MCFD2: variants seen among roughly 807,000 people sequenced by gnomAD.
MCFD2 encodes multiple coagulation factor deficiency 2, ER cargo receptor complex subunit.
MCFD2 carries 11 observed loss-of-function variants against 12.8 expected under a neutral mutation model. That is an observed-to-expected ratio of 0.86 (90% CI 0.54 to 1.42). The LOEUF is 1.42. Among genes scored for constraint, MCFD2 ranks in the 40% most tolerant of loss-of-function variants. The pLI is 0.00. For synonymous variants in MCFD2, 70 were observed against 68.1 expected, an observed-to-expected ratio of 1.03 and a Z score of -0.14; for missense variants, 191 against 178.6, an observed-to-expected ratio of 1.07 and a Z score of -0.40.
At chr2:46,924,451 T>C (rs1669281673) in intron 1 of MCFD2, among the ~76,000 whole-genome samples, 1 of 152,084 alleles carries the variant, frequency 6.6e-6, no homozygotes, top group South Asian at 2.1e-4. Flanking sequence ...ATAATCATAT[T>C]TGTGAAGAAT....
rs1439130500 is a variant in MCFD2, at chr2:46,907,678, C to A, written c.309+132G>T. 7.0e-6 allele frequency: 7 copies of A among 997,072 alleles called. No homozygotes were observed. The highest frequency in any genetic ancestry group is 9.3e-6 in the Non-Finnish European group (6 of 645,560). The allele number at this position is 997,072 out of a possible 1,614,324, so 61.8% of individuals were successfully genotyped here. On this transcript the variant is annotated intron_variant, in intron 3 of 3. Transcript: ENST00000319466. This position sits in a 1 kb window ranked among gnomAD's most constrained non-coding sequence, Gnocchi z 4.1. ...TCCCAAAGTGCTGGGATTACAGATG[C>A]GAGCCATCATGCCCAGTGGAGAAGC...
In MCFD2 at chr2:46,907,494, C is replaced by A. The variant is rs1668294959; in HGVS notation, c.309+316G>T. The A allele has an allele frequency of 5.3e-6, 2 of 380,664 alleles. No individual in the cohort carries two copies. The highest frequency in any genetic ancestry group is 1.0e-5 in the Non-Finnish European group (2 of 198,352). 23.6% of individuals were successfully genotyped at this position (380,664 alleles called of 1,614,324 possible). ...CGACATCCTGGACTCAAGCAATCCT[C>A]CCACCTTAGCCTCCTGAGTACGTAG... On this transcript the variant is annotated intron_variant, in intron 3 of 3. Transcript: ENST00000319466. This position sits in a 1 kb window ranked among gnomAD's most constrained non-coding sequence, Gnocchi z 4.1.
At chr2:46,919,603 C>T (rs1668993856), upstream of MCFD2, among the ~76,000 whole-genome samples, 1 of 152,192 alleles carries the variant, frequency 6.6e-6, no homozygotes, top group South Asian at 2.1e-4. Context: ...AGAAGTCTAA[C>T]AAATGATTGA....
rs1022965604 is a variant in MCFD2, at chr2:46,904,829, G to C, written c.*634C>G. ...CTGTTAGGAAGGCATGATTGGTTTT[G>C]AATAGTGAGGACATGAGATTTGGAG... is the stretch of plus-strand genomic sequence containing the variant. On this transcript the variant is annotated 3_prime_UTR_variant, in exon 4 of 4. Coordinates refer to ENST00000319466, the MANE Select transcript of MCFD2 (RefSeq NM_139279.6). 10 of 161,448 alleles carry C rather than the reference G, an allele frequency of 6.2e-5. No individual in the cohort carries two copies. Among genetic ancestry groups the C allele is most frequent in the Admixed American group, 4.1e-4 (7 of 17,230 alleles). 10.0% of individuals were successfully genotyped at this position (161,448 alleles called of 1,614,324 possible).
At chr2:46,920,677 C>T (rs1477250982), upstream of MCFD2, among the ~76,000 whole-genome samples, 1 of 150,978 alleles carries the variant, frequency 6.6e-6, no homozygotes, top group Non-Finnish European at 1.5e-5. Flanking sequence ...ATAAATTTAT[C>T]AAAAATTTTG....
chr2:46,902,069 C>T lies in MCFD2; in HGVS notation c.*3394G>A, dbSNP rs561678711. 2 of 152,650 alleles carry T rather than the reference C, an allele frequency of 1.3e-5. No individual in the cohort carries two copies. Among genetic ancestry groups the T allele is most frequent in the South Asian group, 4.1e-4 (2 of 4,834 alleles). 9.5% of individuals were successfully genotyped at this position (152,650 alleles called of 1,614,324 possible). ...AGAAAATAAGTCTGTATACATCCTA[C>T]GACAAATTTTGTAGTCTCTTTTTCC... is the stretch of plus-strand genomic sequence containing the variant. On this transcript the variant is annotated 3_prime_UTR_variant, in exon 4 of 4. Coordinates refer to ENST00000319466, the MANE Select transcript of MCFD2 (RefSeq NM_139279.6).
chr2:46,924,423 G>A (rs1340984050), intron 1 of MCFD2, among the ~76,000 whole-genome samples: 3 of 151,824 alleles, frequency 2.0e-5, no homozygotes, highest in East Asian at 3.9e-4. Flanking sequence ...GAAAGCTTGG[G>A]TTTTACATTT....
At chr2:46,921,177 G>A (rs151265033) in intron 1 of MCFD2, among the ~76,000 whole-genome samples, 74 of 152,206 alleles carry the variant, frequency 4.9e-4, no homozygotes, top group African/African-American at 1.7e-3. Context: ...GCTTTAAGCC[G>A]TTAGAGAACA....
upstream of MCFD2, among the ~76,000 whole-genome samples, chr2:46,918,788 G>A (rs972155693): frequency 1.3e-5 from 2 of 152,170 alleles, no homozygotes; most frequent in African/African-American, 4.8e-5. Context: ...GCCTTTTTTA[G>A]TAGCTTTCAG....
chr2:46,910,201 G>C (rs1018512401), intron 1 of MCFD2, among the ~76,000 whole-genome samples: 1 of 152,192 alleles, frequency 6.6e-6, no homozygotes, highest in Non-Finnish European at 1.5e-5. Context: ...AGCTCTTGGA[G>C]GGCAGGGAGA....
chr2:46,930,358 A>G (rs1455261275), intron 1 of MCFD2, among the ~76,000 whole-genome samples: 1 of 151,906 alleles, frequency 6.6e-6, no homozygotes, highest in Non-Finnish European at 1.5e-5. Flanking sequence ...AAATTCTACG[A>G]ACACTTAAAA....
chr2:46,930,054 T>C (rs1669608750), intron 1 of MCFD2, among the ~76,000 whole-genome samples: 1 of 152,166 alleles, frequency 6.6e-6, no homozygotes, highest in Non-Finnish European at 1.5e-5. Context: ...GTGAAAGCCC[T>C]GAGATTTTGG....
intron 1 of MCFD2, among the ~76,000 whole-genome samples, chr2:46,928,790 T>C (rs1320304902): frequency 6.6e-6 from 1 of 151,332 alleles, no homozygotes; most frequent in Non-Finnish European, 1.5e-5. Context: ...AGTCCCACGT[T>C]TGAAATCATA....
At chr2:46,933,941 G>A (rs1324896111) in intron 1 of MCFD2, among the ~76,000 whole-genome samples, 1 of 152,158 alleles carries the variant, frequency 6.6e-6, no homozygotes, top group African/African-American at 2.4e-5. Context: ...AGTGGAAGGT[G>A]GGGAGGGCAT....
intron 1 of MCFD2, among the ~76,000 whole-genome samples, chr2:46,933,512 A>G (rs991904212): frequency 2.6e-5 from 4 of 152,258 alleles, no homozygotes; most frequent in African/African-American, 9.6e-5. Context: ...ACAAAGGAAA[A>G]GACCATATAG....
At chr2:46,918,293 TA>T (rs1036541579), upstream of MCFD2, among the ~76,000 whole-genome samples, 3 of 152,268 alleles carry the variant, frequency 2.0e-5, no homozygotes, top group Admixed American at 2.0e-4. Context: ...CCTTTACCTT[TA>T]AATCCTTCAG....
intron 1 of MCFD2, among the ~76,000 whole-genome samples, chr2:46,938,306 A>T (rs948175320): frequency 1.5e-4 from 23 of 152,204 alleles, no homozygotes; most frequent in Non-Finnish European, 2.1e-4. Flanking sequence ...TAGGAACAAA[A>T]TATCAATCTT....
chr2:46,933,904 C>G (rs1669835887), intron 1 of MCFD2, among the ~76,000 whole-genome samples: 1 of 152,102 alleles, frequency 6.6e-6, no homozygotes. Context: ...AGGGACCCCA[C>G]ATGGTAAGTA....
intron 1 of MCFD2, chr2:46,914,257 G>C (rs1668602758): frequency 6.6e-6 from 1 of 152,282 alleles, no homozygotes; most frequent in African/African-American, 2.4e-5. Context: ...TCAGCACTAA[G>C]TTTGGGGCCA....
Sources: allele counts gnomAD v4.1 joint callset (sites outside exome capture counted in the v4.1 genomes callset), GRCh38; gene constraint gnomAD v4.1.1; non-coding constraint Gnocchi (gnomAD v3.1); transcripts MANE v1.5; gene names NCBI Gene and HGNC (gene_info 2026-07-23, HGNC 2026-07-21).